DLG2: variants seen among roughly 807,000 people sequenced by gnomAD.
The protein encoded by DLG2 is disks large homolog 2.
DLG2 carries 45 observed loss-of-function variants against 132.5 expected under a neutral mutation model. That is an observed-to-expected ratio of 0.34 (90% CI 0.27 to 0.44). The LOEUF is 0.44. DLG2 is among the 20% of genes least tolerant of loss of function. DLG2 has a pLI of 1.00. For synonymous variants in DLG2, 424 were observed against 419.6 expected (o/e 1.01, Z -0.13); for missense variants, 1,045 against 1,196.9 (o/e 0.87, Z 1.87).
At chr11:84,294,247 T>G (rs2098054942) in intron 7 of DLG2, among the ~76,000 whole-genome samples, 1 of 152,242 alleles carries the variant, frequency 6.6e-6, no homozygotes, top group South Asian at 2.1e-4. Flanking sequence ...AGTTATTAAG[T>G]AATATCTTAA....
chr11:84,167,934 G>A (rs1356510698), intron 8 of DLG2, among the ~76,000 whole-genome samples: 1 of 152,196 alleles, frequency 6.6e-6, no homozygotes. Flanking sequence ...CCAAAGTGCT[G>A]GGATTACAGG....
At chr11:85,470,280 G>C (rs1014839972) in intron 3 of DLG2, among the ~76,000 whole-genome samples, 1 of 150,800 alleles carries the variant, frequency 6.6e-6, no homozygotes, top group Admixed American at 6.6e-5. Context: ...AAAAAACCCT[G>C]GCCCATTGAT....
At chr11:84,949,290 T>C (rs933414174) in intron 6 of DLG2, among the ~76,000 whole-genome samples, 5 of 151,796 alleles carry the variant, frequency 3.3e-5, no homozygotes, top group Non-Finnish European at 7.4e-5. Flanking sequence ...TAATAGAATA[T>C]CACAAGGCAA....
chr11:83,756,663 G>C (rs1332982912), intron 18 of DLG2, among the ~76,000 whole-genome samples: 1 of 151,260 alleles, frequency 6.6e-6, no homozygotes, highest in Admixed American at 6.6e-5. Flanking sequence ...ATGTAAAACA[G>C]AACAGTATCT....
intron 7 of DLG2, among the ~76,000 whole-genome samples, chr11:84,332,716 T>A (rs1420277003): frequency 2.0e-5 from 3 of 152,150 alleles, no homozygotes; most frequent in Non-Finnish European, 4.4e-5. Context: ...CCTATTTGCA[T>A]CCAATCTATT....
chr11:84,510,351 T>C (rs868472898), intron 7 of DLG2, among the ~76,000 whole-genome samples: 1 of 152,056 alleles, frequency 6.6e-6, no homozygotes, highest in Non-Finnish European at 1.5e-5. Flanking sequence ...CCACATTTTA[T>C]ACAAGTAAAA....
intron 7 of DLG2, among the ~76,000 whole-genome samples, chr11:84,362,466 C>T (rs1437659525): frequency 1.3e-5 from 2 of 151,822 alleles, no homozygotes; most frequent in African/African-American, 4.8e-5. Context: ...ATCTACCTCA[C>T]CTGAAAACCA....
chr11:83,997,572 T>C (rs12273336), intron 11 of DLG2, among the ~76,000 whole-genome samples: 12,461 of 149,880 alleles, frequency 0.083, 588 homozygotes, highest in African/African-American at 0.12. Flanking sequence ...CTACTAAAAA[T>C]ACAAAAAATT....
intron 14 of DLG2, among the ~76,000 whole-genome samples, chr11:83,945,623 C>T (rs2083645870): frequency 1.3e-5 from 2 of 152,102 alleles, no homozygotes; most frequent in Non-Finnish European, 2.9e-5. Context: ...TGCATATCCG[C>T]TACAGGTGTT....
At chr11:85,367,171 G>C (rs966283673) in intron 3 of DLG2, among the ~76,000 whole-genome samples, 1 of 152,068 alleles carries the variant, frequency 6.6e-6, no homozygotes, top group Non-Finnish European at 1.5e-5. Flanking sequence ...CTTTAATTTA[G>C]TTTAATAACA....
chr11:84,226,923 T>C (rs1476958010), intron 8 of DLG2, among the ~76,000 whole-genome samples: 1 of 151,794 alleles, frequency 6.6e-6, no homozygotes, highest in East Asian at 1.9e-4. Context: ...CCGTCTCTAC[T>C]GAAAATACAA....
intron 6 of DLG2, among the ~76,000 whole-genome samples, chr11:84,572,221 A>T (rs2099486994): frequency 6.6e-6 from 1 of 152,140 alleles, no homozygotes; most frequent in Middle Eastern, 3.2e-3. Context: ...CATATTTTAA[A>T]ATCTGATGTT....
intron 3 of DLG2, among the ~76,000 whole-genome samples, chr11:85,472,363 G>A (rs139311177): frequency 0.011 from 1,626 of 152,218 alleles, 34 homozygotes; most frequent in African/African-American, 0.038. Flanking sequence ...GTGCAGAGGC[G>A]TGATCTCAGC....
intron 19 of DLG2, among the ~76,000 whole-genome samples, chr11:83,576,807 T>C (rs987887286): frequency 5.3e-5 from 8 of 152,198 alleles, no homozygotes; most frequent in Non-Finnish European, 1.0e-4. Context: ...AGAAGTGAAA[T>C]GACACCTAAT....
intron 3 of DLG2, among the ~76,000 whole-genome samples, chr11:85,555,915 GC>G (rs906809876): frequency 2.0e-5 from 3 of 151,870 alleles, no homozygotes; most frequent in Middle Eastern, 3.4e-3. Context: ...ATTTCTCTCT[GC>G]CCTGGGAAGA....
chr11:83,494,313 A>G (rs908620677), intron 21 of DLG2, among the ~76,000 whole-genome samples: 1 of 150,592 alleles, frequency 6.6e-6, no homozygotes, highest in African/African-American at 2.4e-5. Context: ...TTAACCAGAA[A>G]CACTCAACTA....
intron 8 of DLG2, among the ~76,000 whole-genome samples, chr11:84,165,768 G>T (rs11233930): frequency 4.7e-4 from 71 of 152,028 alleles, no homozygotes; most frequent in Non-Finnish European, 8.1e-4. Context: ...CATAGTGACA[G>T]GTGCCTGTAG....
intron 6 of DLG2, among the ~76,000 whole-genome samples, chr11:84,687,632 G>A (rs575928870): frequency 6.6e-6 from 1 of 152,144 alleles, no homozygotes; most frequent in African/African-American, 2.4e-5. Flanking sequence ...TAGCCTCCAG[G>A]TATTCAAAAT....
At chr11:84,047,684 T>G (rs1305791283) in intron 11 of DLG2, among the ~76,000 whole-genome samples, 1 of 151,644 alleles carries the variant, frequency 6.6e-6, no homozygotes, top group East Asian at 1.9e-4. Flanking sequence ...TTCAAAAATT[T>G]GTTCAAGGAG....
Sources: allele counts gnomAD v4.1 joint callset (sites outside exome capture counted in the v4.1 genomes callset), GRCh38; gene constraint gnomAD v4.1.1; transcripts MANE v1.5; gene names NCBI Gene and HGNC (gene_info 2026-07-23, HGNC 2026-07-21).